INSR: variants seen among roughly 807,000 people sequenced by gnomAD.
INSR encodes insulin receptor.
INSR carries 67 observed loss-of-function variants against 142.6 expected under a neutral mutation model. The ratio of observed to expected loss-of-function variants is 0.47; its 90% CI spans 0.39 to 0.58. The LOEUF is 0.58. INSR is among the 20% of genes least tolerant of loss of function. The pLI, the probability that INSR is intolerant of heterozygous loss-of-function variation, is 0.00. For synonymous variants in INSR, 756 were observed against 743.1 expected (o/e 1.02, Z -0.28); for missense variants, 1,248 against 1,833.2 (o/e 0.68, Z 5.83).
chr19:7,238,986 AG>A (rs1976254447), intron 2 of INSR, among the ~76,000 whole-genome samples: 1 of 138,204 alleles, frequency 7.2e-6, no homozygotes, highest in South Asian at 2.4e-4. Context: ...AAAAAAAAAA[AG>A]GTTAAGATGG....
At chr19:7,229,545 T>C (rs1285646065) in intron 2 of INSR, among the ~76,000 whole-genome samples, 3 of 152,128 alleles carry the variant, frequency 2.0e-5, no homozygotes. Context: ...TACAAGTAAA[T>C]ACTGCCAAGG....
intron 2 of INSR, among the ~76,000 whole-genome samples, chr19:7,257,788 A>G (rs1976941317): frequency 6.6e-6 from 1 of 152,170 alleles, no homozygotes; most frequent in African/African-American, 2.4e-5. Flanking sequence ...TGGTGCTCCC[A>G]AGTCCCACTG....
chr19:7,265,003 T>C (rs978179395), intron 2 of INSR, among the ~76,000 whole-genome samples: 12 of 152,188 alleles, frequency 7.9e-5, no homozygotes, highest in Admixed American at 2.0e-4. Flanking sequence ...CCCCAGAGCG[T>C]TGGGCTCAGA....
intron 10 of INSR, among the ~76,000 whole-genome samples, chr19:7,151,506 C>T (rs1973359995): frequency 6.7e-6 from 1 of 150,352 alleles, no homozygotes; most frequent in South Asian, 2.1e-4. Context: ...AGGCTGGTCT[C>T]CACCTTTGGC....
chr19:7,236,983 C>T (rs549679651), intron 2 of INSR, among the ~76,000 whole-genome samples: 8 of 148,990 alleles, frequency 5.4e-5, no homozygotes, highest in South Asian at 4.2e-4. Flanking sequence ...GCCGAGATCG[C>T]GCCACTGCAC....
intron 9 of INSR, among the ~76,000 whole-genome samples, chr19:7,154,524 G>T (rs551921319): frequency 1.3e-5 from 2 of 150,442 alleles, no homozygotes; most frequent in African/African-American, 4.9e-5. Flanking sequence ...GGATGGTCTC[G>T]ATCTCCTGAC....
chr19:7,238,617 CAAAA>C (rs796144540), intron 2 of INSR, among the ~76,000 whole-genome samples: 8 of 68,980 alleles, frequency 1.2e-4, no homozygotes, highest in Non-Finnish European at 1.0e-4. Context: ...TGCTCCATCT[CAAAA>C]AAAAAAAAAA....
intron 15 of INSR, among the ~76,000 whole-genome samples, chr19:7,127,330 G>A (rs1378470868): frequency 6.6e-6 from 1 of 152,200 alleles, no homozygotes. Flanking sequence ...TAGTGAGCCA[G>A]TTGTTAAATA....
rs147752945 is a variant in INSR at position 7,149,098 on chromosome 19, G to A, written c.2267+1399C>T. ...AATTTCTTGTATTTTTAGTAGTGAC[G>A]GGGTTTCACCGTGTTAGCCAGGATG... On this transcript the variant is annotated intron_variant, in intron 11 of 21. Coordinates refer to ENST00000302850, the MANE Select transcript of INSR (RefSeq NM_000208.4). 2.6e-4 allele frequency among the ~76,000 whole-genome samples: 40 copies of A among 152,124 alleles called. 1 individual carries two copies. Among genetic ancestry groups the A allele is most frequent in the South Asian group, 2.5e-3 (12 of 4,814 alleles).
intron 2 of INSR, among the ~76,000 whole-genome samples, chr19:7,207,938 A>AGGGAGGGAGGGAGGG (rs1975155690): frequency 1.6e-5 from 2 of 123,824 alleles, no homozygotes; most frequent in African/African-American, 6.4e-5. Flanking sequence ...GGAAGGAAGG[A>AGGGAGGGAGGGAGGG]AGGGAAGGAG....
At chr19:7,248,591 C>T (rs895290847) in intron 2 of INSR, among the ~76,000 whole-genome samples, 1 of 141,488 alleles carries the variant, frequency 7.1e-6, no homozygotes, top group African/African-American at 2.6e-5. Flanking sequence ...GGACAAATAG[C>T]ATGAGGAAAA....
chr19:7,250,453 AAAAGG>A (rs1976685240), intron 2 of INSR, among the ~76,000 whole-genome samples: 2 of 85,916 alleles, frequency 2.3e-5, no homozygotes, highest in African/African-American at 6.4e-5. Flanking sequence ...AAGAAGAAAG[AAAAGG>A]AAGAAAAGAA....
At chr19:7,142,423 C>T (rs891133432) in intron 12 of INSR, among the ~76,000 whole-genome samples, 14 of 110,016 alleles carry the variant, frequency 1.3e-4, no homozygotes, top group African/African-American at 3.3e-4. Context: ...AGGCCAGGTT[C>T]GGTGCTCATG....
At chr19:7,208,329 G>T (rs938990138) in intron 2 of INSR, among the ~76,000 whole-genome samples, 2 of 127,828 alleles carry the variant, frequency 1.6e-5, no homozygotes, top group Middle Eastern at 7.6e-3. Flanking sequence ...CTTCCTATCT[G>T]TTTCCTCAGC....
At chr19:7,210,294 G>A (rs1000969123) in intron 2 of INSR, among the ~76,000 whole-genome samples, 1 of 145,596 alleles carries the variant, frequency 6.9e-6, no homozygotes, top group Non-Finnish European at 1.5e-5. Context: ...GCAGTGAGCC[G>A]AGATTGAGCC....
intron 15 of INSR, among the ~76,000 whole-genome samples, chr19:7,127,536 A>G (rs1305521251): frequency 6.6e-6 from 1 of 152,132 alleles, no homozygotes; most frequent in Non-Finnish European, 1.5e-5. Context: ...TCATTTATAC[A>G]CCATATTGTA....
chr19:7,190,660 G>A (rs544259767), intron 2 of INSR, among the ~76,000 whole-genome samples: 6 of 152,238 alleles, frequency 3.9e-5, no homozygotes, highest in East Asian at 1.9e-4. Context: ...GTGAGCCACC[G>A]CGCCCAACCA....
At chr19:7,292,808 G>T (rs1239475744) in intron 1 of INSR, among the ~76,000 whole-genome samples, 1 of 152,142 alleles carries the variant, frequency 6.6e-6, no homozygotes, top group Non-Finnish European at 1.5e-5. Context: ...CTGCCCACAC[G>T]TGGGAGAGGG....
At chr19:7,230,141 A>G (rs1443902882) in intron 2 of INSR, among the ~76,000 whole-genome samples, 1 of 152,116 alleles carries the variant, frequency 6.6e-6, no homozygotes. Context: ...AGGCTCGCAC[A>G]GCACCTGGCT....
Sources: allele counts gnomAD v4.1 joint callset (sites outside exome capture counted in the v4.1 genomes callset), GRCh38; gene constraint gnomAD v4.1.1; transcripts MANE v1.5; gene names NCBI Gene and HGNC (gene_info 2026-07-23, HGNC 2026-07-21).